Variants in RDX observed in about 807,000 individuals in gnomAD.
RDX encodes the protein radixin.
A neutral mutation model predicts 83.7 loss-of-function variants in RDX; 32 were observed. That is an observed-to-expected ratio of 0.38 (90% confidence interval 0.29 to 0.51). The LOEUF is 0.51. Ranked by LOEUF, RDX falls within the 20% of genes least tolerant of loss-of-function variation. The pLI is 0.87. For synonymous variants in RDX, 229 were observed against 222.7 expected (o/e 1.03, Z -0.25); for missense variants, 600 against 689.9 (o/e 0.87, Z 1.46).
chr11:110,245,460 CT>C, intron 10 of RDX, among the ~76,000 whole-genome samples: 1 of 152,142 alleles, frequency 6.6e-6, no homozygotes, highest in Middle Eastern at 3.4e-3. Context: ...TAGAAATTTT[CT>C]TTTTAATCTC....
At chr11:110,246,443 A>C (rs1486404442) in intron 10 of RDX, among the ~76,000 whole-genome samples, 2 of 152,168 alleles carry the variant, frequency 1.3e-5, no homozygotes, top group Non-Finnish European at 2.9e-5. Flanking sequence ...AAATGCTACA[A>C]AATCCAAAAC....
chr11:110,183,691 C>T (rs868238204), intron 15 of RDX, among the ~76,000 whole-genome samples: 2 of 152,154 alleles, frequency 1.3e-5, no homozygotes, highest in Admixed American at 1.3e-4. Context: ...TTTTCTCTGC[C>T]ACTGCTCTAT....
rs1198786963 is a variant in RDX, at chr11:110,230,922, T to C, written c.*947A>G. ...ATTGTTGTCCCCTCCTCGGGACTGA[T>C]GTTTTTATATGCTGCCCTTCCAGAA... On this transcript the variant is annotated 3_prime_UTR_variant, in exon 14 of 14. Transcript: ENST00000645495. 6.9e-6 allele frequency: 1 copy of C among 144,154 alleles called. No individual in the cohort carries two copies. The highest frequency in any genetic ancestry group is 2.7e-5 in the African/African-American group (1 of 37,458). The allele number at this position is 144,154 out of a possible 1,614,324, so 8.9% of individuals were successfully genotyped here. A position where few individuals can be genotyped will look rare whatever the true frequency, so the allele number is the denominator to read the frequency against.
intron 15 of RDX, among the ~76,000 whole-genome samples, chr11:110,198,908 T>A (rs1012934360): frequency 2.6e-5 from 4 of 151,946 alleles, no homozygotes; most frequent in Non-Finnish European, 4.4e-5. Context: ...CTGTGCCTCC[T>A]GGATTCAAGC....
At chr11:110,293,183 A>G (rs1861312010) in intron 1 of RDX, among the ~76,000 whole-genome samples, 1 of 152,206 alleles carries the variant, frequency 6.6e-6, no homozygotes, top group African/African-American at 2.4e-5. Context: ...TAAAATCACA[A>G]ATAAGGGATA....
chr11:110,237,717 C>A (rs1211159466), intron 10 of RDX, 65 bp from the exon 11 acceptor site: 4 of 1,540,366 alleles, frequency 2.6e-6, no homozygotes, highest in Admixed American at 1.7e-5. Flanking sequence ...TCAAAAGAAG[C>A]TAAAATAGTA....
At chr11:110,233,077 G>C (rs912413680) in intron 13 of RDX, among the ~76,000 whole-genome samples, 160 bp downstream of exon 13, 1 of 152,116 alleles carries the variant, frequency 6.6e-6, no homozygotes, top group Non-Finnish European at 1.5e-5. Flanking sequence ...TTCACACAAC[G>C]GAAGAAATGA....
Position 110,253,778 on chromosome 11 carries a change from T to C in RDX, c.959+168A>G, listed in dbSNP as rs2134353810. The C allele has an allele frequency of 4.6e-6, 3 of 647,694 alleles. No homozygotes were observed. In the East Asian group the frequency reaches 8.5e-5, roughly 18 times the overall value. The allele number at this position is 647,694 out of a possible 1,614,324, so 40.1% of individuals were successfully genotyped here. Reference sequence around the variant, plus strand: ...GTGTCAAAGATTTCTAACTTGAAAATTATACATACTCGTTTTAAAGGACAG... The same window carrying C: ...GTGTCAAAGATTTCTAACTTGAAAACTATACATACTCGTTTTAAAGGACAG... On this transcript the variant is annotated intron_variant, in intron 9 of 13. Coordinates refer to ENST00000645495, the MANE Select transcript of RDX (RefSeq NM_002906.4).
At chr11:110,264,648 T>A in intron 4 of RDX, 131 bp downstream of exon 4, 2 of 608,504 alleles carry the variant, frequency 3.3e-6, no homozygotes, top group Non-Finnish European at 5.6e-6. Context: ...TAAAAAAACA[T>A]GGTACCTCAT....
intron 2 of RDX, among the ~76,000 whole-genome samples, chr11:110,277,336 T>C (rs1288392860): frequency 6.6e-6 from 1 of 152,188 alleles, no homozygotes; most frequent in Non-Finnish European, 1.5e-5. Flanking sequence ...GTTTTGTTTT[T>C]TTGAGACAAG....
chr11:110,282,235 T>A (rs948893648), intron 1 of RDX, among the ~76,000 whole-genome samples: 1 of 152,198 alleles, frequency 6.6e-6, no homozygotes, highest in Non-Finnish European at 1.5e-5. Context: ...ATTTTTTGAA[T>A]CATAATAGTT....
At chr11:110,188,772 A>G (rs1863038350) in intron 15 of RDX, among the ~76,000 whole-genome samples, 1 of 152,216 alleles carries the variant, frequency 6.6e-6, no homozygotes, top group Non-Finnish European at 1.5e-5. Context: ...CAAAGAAGAA[A>G]TAACCTCTTT....
At chr11:110,261,903 CAT>C (rs1859822816) in intron 5 of RDX, among the ~76,000 whole-genome samples, 1 of 152,098 alleles carries the variant, frequency 6.6e-6, no homozygotes, top group Non-Finnish European at 1.5e-5. Context: ...TTTTCAATCA[CAT>C]GAGTTATGAA....
At chr11:110,241,225 G>A (rs184036066) in intron 10 of RDX, among the ~76,000 whole-genome samples, 14 of 152,090 alleles carry the variant, frequency 9.2e-5, no homozygotes, top group Admixed American at 2.0e-4. Context: ...GATATTCTAC[G>A]ATTACTCATT....
At chr11:110,202,576 A>G (rs1591507924) in intron 14 of RDX, among the ~76,000 whole-genome samples, 1 of 145,784 alleles carries the variant, frequency 6.9e-6, no homozygotes, top group Non-Finnish European at 1.5e-5. Flanking sequence ...GCTTCACTAC[A>G]CCTGGCTAAT....
chr11:110,233,607 C>G, intron 12 of RDX, 128 bp from the exon 13 acceptor site: 2 of 940,400 alleles, frequency 2.1e-6, no homozygotes, highest in Non-Finnish European at 3.2e-6. Flanking sequence ...TTTATGAAAC[C>G]TCTATTTTCA....
chr11:110,244,600 G>A (rs939143637), intron 10 of RDX, among the ~76,000 whole-genome samples: 21 of 152,182 alleles, frequency 1.4e-4, no homozygotes, highest in Middle Eastern at 3.4e-3. Flanking sequence ...ATGGGTATGG[G>A]ATTTCTTTTT....
intron 3 of RDX, among the ~76,000 whole-genome samples, chr11:110,265,109 G>GTTTTTT (rs71053876): frequency 2.4e-3 from 220 of 90,674 alleles, no homozygotes; most frequent in Non-Finnish European, 3.5e-3. Flanking sequence ...TTTTTTTTTT[G>GTTTTTT]TTTTTTTTTT....
exon 15 of RDX, chr11:110,199,605 C>T (rs1057232085): frequency 5.7e-6 from 4 of 702,928 alleles, no homozygotes; most frequent in Non-Finnish European, 1.0e-5. Context: ...AGCCTTCTTC[C>T]TAAGGGTTAC....
Sources: allele counts gnomAD v4.1 joint callset (sites outside exome capture counted in the v4.1 genomes callset), GRCh38; gene constraint gnomAD v4.1.1; transcripts MANE v1.5; gene names NCBI Gene and HGNC (gene_info 2026-07-23, HGNC 2026-07-21).